IL1RAPL2: variants seen among roughly 807,000 people sequenced by gnomAD.
IL1RAPL2 encodes the protein interleukin 1 receptor accessory protein like 2.
Under a neutral mutation model 44.1 loss-of-function variants are expected in IL1RAPL2, and 3 were observed. That is an observed-to-expected ratio of 0.07 (90% CI 0.03 to 0.18). The LOEUF is 0.18. Ranked by LOEUF, IL1RAPL2 falls within the 10% of genes least tolerant of loss-of-function variation. The pLI is 1.00. For synonymous variants in IL1RAPL2, 181 were observed against 178.8 expected (o/e 1.01, Z -0.10); for missense variants, 391 against 496.4 (o/e 0.79, Z 2.02).
rs894406535 is a variant in IL1RAPL2, at chrX:104,730,323, T to C, written c.82+71328T>C. ...GTGCCATGCTGGTGTGCTGCACCCA[T>C]TAACTCGTCATTTAGCATTAGGTGT... is the stretch of plus-strand genomic sequence containing the variant. On this transcript the variant is annotated intron_variant, in intron 2 of 10. Coordinates refer to ENST00000372582, the MANE Select transcript of IL1RAPL2 (RefSeq NM_017416.2). 1.8e-3 allele frequency among the ~76,000 whole-genome samples: 182 copies of C among 100,451 alleles called. 2 individuals are homozygous for C. Among genetic ancestry groups the C allele is most frequent in the Middle Eastern group, 5.1e-3 (1 of 198 alleles). 87.2% of individuals were successfully genotyped at this position (100,451 alleles called of 115,157 possible).
chrX:105,562,338 T>C (rs1261606318), intron 6 of IL1RAPL2, among the ~76,000 whole-genome samples: 1 of 111,407 alleles, frequency 9.0e-6, no homozygotes, highest in Non-Finnish European at 1.9e-5. Context: ...TATTGTATTA[T>C]ATATTTCAAA....
At chrX:105,130,663 A>G (rs373691996) in intron 2 of IL1RAPL2, among the ~76,000 whole-genome samples, 2 of 111,316 alleles carry the variant, frequency 1.8e-5, no homozygotes, top group African/African-American at 6.5e-5. Context: ...ATACAAATAG[A>G]TATATCCCTA....
chrX:105,378,277 T>G (rs766319276), intron 5 of IL1RAPL2, among the ~76,000 whole-genome samples: 1 of 111,997 alleles, frequency 8.9e-6, no homozygotes, highest in Non-Finnish European at 1.9e-5. Context: ...TGAAATATTT[T>G]ACATGAAAAC....
chrX:105,345,683 A>C (rs2035105663), intron 5 of IL1RAPL2, among the ~76,000 whole-genome samples: 1 of 111,323 alleles, frequency 9.0e-6, no homozygotes, highest in Non-Finnish European at 1.9e-5. Flanking sequence ...CCACCAAACA[A>C]AGTGTTGTTC....
intron 2 of IL1RAPL2, among the ~76,000 whole-genome samples, chrX:105,144,030 T>G (rs919293502): frequency 1.9e-5 from 2 of 108,097 alleles, no homozygotes; most frequent in African/African-American, 6.8e-5. Flanking sequence ...AAAAAAATAC[T>G]TAGGTCTCCT....
intron 5 of IL1RAPL2, among the ~76,000 whole-genome samples, chrX:105,363,078 C>CT (rs1465891555): frequency 9.4e-6 from 1 of 106,758 alleles, no homozygotes; most frequent in Non-Finnish European, 1.9e-5. Flanking sequence ...ATGAGATTAG[C>CT]TTTTTTAGAT....
At chrX:105,242,250 C>A (rs1556209076) in intron 4 of IL1RAPL2, among the ~76,000 whole-genome samples, 2 of 112,191 alleles carry the variant, frequency 1.8e-5, no homozygotes, top group South Asian at 3.7e-4. Context: ...TAATTTAGAC[C>A]AAATGTCTTT....
At chrX:105,659,274 AT>A (rs1319979455) in intron 6 of IL1RAPL2, among the ~76,000 whole-genome samples, 2 of 111,751 alleles carry the variant, frequency 1.8e-5, no homozygotes, top group African/African-American at 6.5e-5. Context: ...CAGACGGAGA[AT>A]TCAAAATAAC....
chrX:104,839,310 T>G (rs1294622299), intron 2 of IL1RAPL2, among the ~76,000 whole-genome samples: 1 of 111,834 alleles, frequency 8.9e-6, no homozygotes, highest in East Asian at 2.8e-4. Context: ...AATGGATTTT[T>G]ATTGAAGGCC....
At chrX:105,632,739 A>G (rs1235175846) in intron 6 of IL1RAPL2, among the ~76,000 whole-genome samples, 1 of 111,639 alleles carries the variant, frequency 9.0e-6, no homozygotes. Context: ...CTGAGGCCAT[A>G]TAATCTAACT....
intron 6 of IL1RAPL2, among the ~76,000 whole-genome samples, chrX:105,575,569 G>T (rs2037044314): frequency 8.9e-6 from 1 of 112,159 alleles, no homozygotes. Context: ...TGTCCAGTCA[G>T]TCATTGATGG....
intron 2 of IL1RAPL2, among the ~76,000 whole-genome samples, chrX:105,014,838 G>C (rs191026635): frequency 3.6e-5 from 4 of 112,014 alleles, no homozygotes; most frequent in Non-Finnish European, 7.5e-5. Flanking sequence ...CCAGTACTGC[G>C]ATTGCTGGGT....
chrX:104,872,550 C>T (rs1343619168), intron 2 of IL1RAPL2, among the ~76,000 whole-genome samples: 2 of 111,132 alleles, frequency 1.8e-5, no homozygotes, highest in Non-Finnish European at 3.8e-5. Context: ...ACTTAGGTTA[C>T]CTATGTGGAA....
At chrX:105,672,569 T>G in intron 6 of IL1RAPL2, among the ~76,000 whole-genome samples, 1 of 112,467 alleles carries the variant, frequency 8.9e-6, no homozygotes, top group Non-Finnish European at 1.9e-5. Context: ...AGTCCAGACT[T>G]CTCACATGGT....
Position 104,605,266 on chromosome X carries a change from CAAATG to C in IL1RAPL2, c.-20+38217_-20+38221del, listed in dbSNP as rs1928983432. Among the ~76,000 whole-genome samples the C allele has an allele frequency of 5.4e-5, 6 of 111,093 alleles. No homozygotes were observed. The South Asian group carries it at 2.3e-3, about 42-fold the overall frequency. On this transcript the variant is annotated intron_variant, in intron 1 of 10. Transcript: ENST00000372582. ...GGAGAAATAAAGATGTTCTGTGAGA[CAAATG>C]AGAACAAAGACACAATGTACCAGAA...
intron 5 of IL1RAPL2, among the ~76,000 whole-genome samples, chrX:105,277,574 T>C (rs1276902680): frequency 9.0e-6 from 1 of 111,722 alleles, no homozygotes; most frequent in African/African-American, 3.3e-5. Flanking sequence ...GTTAATCTAA[T>C]GTCTCAATGA....
intron 2 of IL1RAPL2, among the ~76,000 whole-genome samples, chrX:104,870,900 C>G (rs1922744466): frequency 9.0e-6 from 1 of 111,054 alleles, no homozygotes; most frequent in African/African-American, 3.3e-5. Context: ...CTGTCTGTCA[C>G]TTATCTCTTA....
At chrX:105,394,012 C>T (rs1005476959) in intron 5 of IL1RAPL2, among the ~76,000 whole-genome samples, 10 of 111,922 alleles carry the variant, frequency 8.9e-5, no homozygotes, top group African/African-American at 2.3e-4. Context: ...CACAGTTGAT[C>T]ATTTTAGCAA....
At chrX:105,134,872 G>A (rs1430112828) in intron 2 of IL1RAPL2, among the ~76,000 whole-genome samples, 2 of 108,834 alleles carry the variant, frequency 1.8e-5, no homozygotes, top group Non-Finnish European at 3.8e-5. Context: ...TAACTTAATC[G>A]TTGGCCCATA....
Sources: gnomAD v4.1 joint callset for allele counts (sites outside exome capture counted in the v4.1 genomes callset) on GRCh38, gnomAD v4.1.1 for gene constraint, MANE v1.5 for transcripts, NCBI Gene and HGNC (gene_info 2026-07-23, HGNC 2026-07-21) for gene names.